The following FAM20A variants were observed in gnomAD, a reference collection of about 807,000 sequenced individuals.
FAM20A encodes the protein pseudokinase FAM20A.
Under a neutral mutation model 52.0 loss-of-function variants are expected in FAM20A, and 42 were observed. That is an observed-to-expected ratio of 0.81 (90% CI 0.63 to 1.04). The LOEUF is 1.04. FAM20A is among the 50% of genes least tolerant of loss of function. The pLI, the probability that FAM20A is intolerant of heterozygous loss-of-function variation, is 0.00. For missense variants in FAM20A, 742 were observed against 712.7 expected (o/e 1.04, Z -0.47); for synonymous variants, 304 against 298.9 (o/e 1.02, Z -0.18).
intron 3 of FAM20A, among the ~76,000 whole-genome samples, chr17:68,553,928 GCATATATA>G (rs1473189711): frequency 1.7e-5 from 2 of 115,630 alleles, no homozygotes; most frequent in East Asian, 4.5e-4. Flanking sequence ...ACACATATAT[GCATATATA>G]CATATATACA....
chr17:68,538,577 G>T (rs1009319806), intron 10 of FAM20A, among the ~76,000 whole-genome samples: 1 of 152,254 alleles, frequency 6.6e-6, no homozygotes, highest in Non-Finnish European at 1.5e-5. Context: ...TAGAGAAATG[G>T]TGGCCAAGCA....
Position 68,542,098 on chromosome 17 carries a change from G to T in FAM20A, c.996C>A (p.Asn332Lys), listed in dbSNP as rs2302234. 490,522 of 1,613,778 alleles carry T rather than the reference G, an allele frequency of 0.3. 76,585 individuals carry two copies. Among genetic ancestry groups the T allele is most frequent in the East Asian group, 0.54 (24,081 of 44,852 alleles). ...MCKTEYAVCGNPHLLEGSLSA... is the reference protein window; with the variant it reads ...MCKTEYAVCGKPHLLEGSLSA... ...AGAGGGAACCCTCCAGCAGGTGTGG[G>T]TTGCCACAGACAGCATACTCCGTCT... The change falls in exon 7 of 11, where the codon AAC (asparagine) becomes AAA (lysine). Residue 332 changes from asparagine (N) to lysine (K), a missense_variant. Physicochemically the swap from Asn to Lys is moderately conservative, Grantham distance 94. Coordinates refer to ENST00000592554, the MANE Select transcript of FAM20A (RefSeq NM_017565.4).
Position 68,537,887 on chromosome 17 carries a change from G to T in FAM20A, c.1362-146C>A. 1 of 964,142 alleles carries T rather than the reference G, an allele frequency of 1.0e-6. No homozygotes were observed. The allele number at this position is 964,142 out of a possible 1,614,324, so 59.7% of individuals were successfully genotyped here. On this transcript the variant is annotated intron_variant, in intron 10 of 10. Transcript: ENST00000592554. The surrounding 1 kb of genome is among the most constrained non-coding windows in gnomAD (Gnocchi z 4.2). Reference sequence around the variant, plus strand: ...TCAGGCACATTTTAATGGAAACCAGGTAAAAAGGGAACAAATGAAAGGCAA... The same window carrying T: ...TCAGGCACATTTTAATGGAAACCAGTTAAAAAGGGAACAAATGAAAGGCAA...
chr17:68,600,234 C>G lies in FAM20A; in HGVS notation c.404+29G>C, dbSNP rs2088575627. On this transcript the variant is annotated intron_variant, in intron 1 of 10. Coordinates refer to ENST00000592554, the MANE Select transcript of FAM20A (RefSeq NM_017565.4). This position sits in a 1 kb window ranked among gnomAD's most constrained non-coding sequence, Gnocchi z 6.2. ...GGGGAGGCCCCGGCCAGAGCGCCCG[C>G]TCTCCCGCGTCCCGGGCGGGGTCCT... 6.5e-7 allele frequency: 1 copy of G among 1,549,138 alleles called. No individual in the cohort carries two copies. Among genetic ancestry groups the G allele is most frequent in the Non-Finnish European group, 8.7e-7 (1 of 1,146,722 alleles).
intron 4 of FAM20A, among the ~76,000 whole-genome samples, chr17:68,548,818 C>T (rs545950387): frequency 4.0e-5 from 6 of 148,614 alleles, no homozygotes; most frequent in East Asian, 2.0e-4. Flanking sequence ...CTGCAAGCTC[C>T]GCCTCCCGGG....
chr17:68,571,742 T>C (rs2143798506), intron 1 of FAM20A, among the ~76,000 whole-genome samples: 1 of 152,064 alleles, frequency 6.6e-6, no homozygotes, highest in South Asian at 2.1e-4. Flanking sequence ...CTGTTCTATT[T>C]CTCCTGTGAC....
At chr17:68,596,343 T>C (rs1598087737) in intron 1 of FAM20A, among the ~76,000 whole-genome samples, 1 of 152,192 alleles carries the variant, frequency 6.6e-6, no homozygotes, top group East Asian at 1.9e-4. Context: ...GTTTCTACAT[T>C]AGGGAGAGCT....
At chr17:68,558,801 T>C (rs1207854356) in intron 1 of FAM20A, among the ~76,000 whole-genome samples, 1 of 152,110 alleles carries the variant, frequency 6.6e-6, no homozygotes, top group Admixed American at 6.6e-5. Context: ...TCTTGTTGCC[T>C]AGGCTAGAGT....
chr17:68,571,987 C>CATACATATATATATT (rs2087555404), intron 1 of FAM20A, among the ~76,000 whole-genome samples: 2 of 43,774 alleles, frequency 4.6e-5, no homozygotes, highest in African/African-American at 1.2e-4. Flanking sequence ...TATATACATA[C>CATACATATATATATT]ATATATATAT....
Position 68,600,314 on chromosome 17 carries a change from G to GCCAGGAGCGAGTCCTCGGCTC in FAM20A, c.332_352dup (p.Gly111_Leu117dup), listed in dbSNP as rs759881398. ...GTAATACCGCAGCGCCTCCTGGCTG[G>GCCAGGAGCGAGTCCTCGGCTC]CCAGGAGCGAGTCCTCGGCTCCCAG... On this transcript the variant is annotated inframe_insertion, in exon 1 of 11. Transcript: ENST00000592554. This position sits in a 1 kb window ranked among gnomAD's most constrained non-coding sequence, Gnocchi z 6.2. The GCCAGGAGCGAGTCCTCGGCTC allele has an allele frequency of 5.0e-6, 8 of 1,588,060 alleles. No individual in the cohort carries two copies. The highest frequency in any genetic ancestry group is 6.9e-6 in the Non-Finnish European group (8 of 1,167,662).
chr17:68,575,959 TG>T (rs1387367332), intron 1 of FAM20A, among the ~76,000 whole-genome samples: 1 of 151,420 alleles, frequency 6.6e-6, no homozygotes, highest in African/African-American at 2.4e-5. Flanking sequence ...GAGCTAACCC[TG>T]GGGAAGTGGA....
At position 68,550,369 on chromosome 17, in the gene FAM20A, C is replaced by CTTTTTT. The variant is rs747654899; in HGVS notation, c.719+1498_719+1503dup. Among the ~76,000 whole-genome samples, 52 of 79,382 alleles carry CTTTTTT rather than the reference C, an allele frequency of 6.6e-4. 3 individuals are homozygous for CTTTTTT. Among genetic ancestry groups the CTTTTTT allele is most frequent in the African/African-American group, 1.9e-3 (36 of 18,756 alleles). 52.1% of individuals were successfully genotyped at this position (79,382 alleles called of 152,430 possible). ...CTTTCACATAGGAAAAATGGGGGAACTTTTTTTTTTTTTTTTTTTTTTTTT... is the reference window on the plus strand; with the variant it reads ...CTTTCACATAGGAAAAATGGGGGAACTTTTTTTTTTTTTTTTTTTTTTTTTTTTTTT... On this transcript the variant is annotated intron_variant, in intron 4 of 10. Coordinates refer to ENST00000592554, the MANE Select transcript of FAM20A (RefSeq NM_017565.4).
chr17:68,588,938 CA>C (rs1313865335), intron 1 of FAM20A, among the ~76,000 whole-genome samples: 1 of 152,208 alleles, frequency 6.6e-6, no homozygotes, highest in African/African-American at 2.4e-5. Context: ...GACAACTCAC[CA>C]GCAGAAGGGA....
intron 1 of FAM20A, among the ~76,000 whole-genome samples, chr17:68,596,061 T>C (rs2088443275): frequency 6.6e-6 from 1 of 152,172 alleles, no homozygotes; most frequent in Non-Finnish European, 1.5e-5. Flanking sequence ...CTTACTCCCT[T>C]TGACCAACTG....
In FAM20A at chr17:68,535,676, T is replaced by G; in HGVS notation, c.*1801A>C. Reference sequence around the variant, plus strand: ...GAGTTGATTTAAAAAAAAATTTTTTTTTTTTTGTATTTTTTTGTAGAGACA... The same window carrying G: ...GAGTTGATTTAAAAAAAAATTTTTTGTTTTTTGTATTTTTTTGTAGAGACA... On this transcript the variant is annotated 3_prime_UTR_variant, in exon 11 of 11. Transcript: ENST00000592554. 2.2e-6 allele frequency: 1 copy of G among 447,282 alleles called. No homozygotes were observed. The highest frequency in any genetic ancestry group is 1.6e-5 in the South Asian group (1 of 62,558). The allele number at this position is 447,282 out of a possible 1,614,324, so 27.7% of individuals were successfully genotyped here.
intron 7 of FAM20A, chr17:68,541,638 C>T (rs74438872): frequency 1.4e-5 from 3 of 213,152 alleles, no homozygotes; most frequent in South Asian, 9.4e-5. Flanking sequence ...ATGGGATTCT[C>T]GTGTGCTCCC....
Position 68,535,116 on chromosome 17 carries a change from T to A in FAM20A, c.*2361A>T, listed in dbSNP as rs1451046904. On this transcript the variant is annotated 3_prime_UTR_variant, in exon 11 of 11. Transcript: ENST00000592554. Reference sequence around the variant, plus strand: ...CTGTCAGTAGTAACTTGAAAAGTTCTCAGAGTCAAGAGACTTTTTATTTCA... The same window carrying A: ...CTGTCAGTAGTAACTTGAAAAGTTCACAGAGTCAAGAGACTTTTTATTTCA... The A allele has an allele frequency of 8.2e-6, 3 of 365,916 alleles. No homozygotes were observed. Among genetic ancestry groups the A allele is most frequent in the Non-Finnish European group, 1.6e-5 (3 of 188,106 alleles). The allele number at this position is 365,916 out of a possible 1,614,324, so 22.7% of individuals were successfully genotyped here. A position where few individuals can be genotyped will look rare whatever the true frequency, so the allele number is the denominator to read the frequency against.
intron 4 of FAM20A, among the ~76,000 whole-genome samples, chr17:68,549,888 T>C (rs918581222): frequency 6.6e-6 from 1 of 152,232 alleles, no homozygotes; most frequent in African/African-American, 2.4e-5. Context: ...TTACATATTT[T>C]AGTACCCTAT....
At chr17:68,551,187 A>G (rs1028533539) in intron 4 of FAM20A, 22 of 1,158,694 alleles carry the variant, frequency 1.9e-5, no homozygotes, top group Non-Finnish European at 2.4e-5. Flanking sequence ...GGGGGCCAGA[A>G]ACCCAAACTC....
Sources: allele counts gnomAD v4.1 joint callset (sites outside exome capture counted in the v4.1 genomes callset), GRCh38; gene constraint gnomAD v4.1.1; non-coding constraint Gnocchi (gnomAD v3.1); transcripts MANE v1.5; gene names NCBI Gene and HGNC (gene_info 2026-07-23, HGNC 2026-07-21).